Variants in DPYD observed in about 807,000 individuals in gnomAD.
The protein encoded by DPYD is dihydropyrimidine dehydrogenase.
Under a neutral mutation model 116.2 loss-of-function variants are expected in DPYD, and 109 were observed. That is an observed-to-expected ratio of 0.94 (90% CI 0.80 to 1.10). The LOEUF (loss-of-function observed/expected upper bound fraction) is 1.10, where lower values mean the gene tolerates loss of function less well. Ranked by LOEUF, DPYD falls within the 50% of genes least tolerant of loss-of-function variation. The pLI, the probability that DPYD is intolerant of heterozygous loss-of-function variation, is 0.00. For synonymous variants in DPYD, 440 were observed against 432.0 expected, an observed-to-expected ratio of 1.02 and a Z score of -0.23; for missense variants, 1,302 against 1,254.5, an observed-to-expected ratio of 1.04 and a Z score of -0.57.
At chr1:97,495,409 A>G (rs1032119825) in intron 13 of DPYD, among the ~76,000 whole-genome samples, 1 of 152,178 alleles carries the variant, frequency 6.6e-6, no homozygotes, top group African/African-American at 2.4e-5. Flanking sequence ...TTAAAAGTCA[A>G]AATGTAAATA....
intron 13 of DPYD, among the ~76,000 whole-genome samples, chr1:97,502,929 T>C (rs1450637943): frequency 1.3e-5 from 2 of 152,022 alleles, no homozygotes; most frequent in East Asian, 1.9e-4. Flanking sequence ...TAATTCAACA[T>C]GTGGAAGTTT....
intron 3 of DPYD, among the ~76,000 whole-genome samples, chr1:97,764,530 A>C (rs528871876): frequency 6.6e-6 from 1 of 152,206 alleles, no homozygotes; most frequent in African/African-American, 2.4e-5. Flanking sequence ...CTAAGCAAAA[A>C]AATAAACTTT....
At chr1:97,862,339 A>G (rs2101595438) in intron 2 of DPYD, among the ~76,000 whole-genome samples, 1 of 152,094 alleles carries the variant, frequency 6.6e-6, no homozygotes, top group East Asian at 1.9e-4. Flanking sequence ...AATTATATTT[A>G]AATTCAAACA....
intron 8 of DPYD, among the ~76,000 whole-genome samples, chr1:97,641,216 C>T (rs561125962): frequency 7.9e-5 from 12 of 152,042 alleles, no homozygotes; most frequent in Non-Finnish European, 1.8e-4. Flanking sequence ...TCTGACAAAT[C>T]CACCCAGATA....
chr1:97,259,828 C>T (rs1663760438), intron 18 of DPYD, among the ~76,000 whole-genome samples: 1 of 152,064 alleles, frequency 6.6e-6, no homozygotes, highest in Non-Finnish European at 1.5e-5. Context: ...ACTAGCCAGA[C>T]TGAAATTGGA....
chr1:97,471,935 T>C lies in DPYD; in HGVS notation c.1741-21712A>G, dbSNP rs891984966. On this transcript the variant is annotated intron_variant, in intron 13 of 22. Transcript: ENST00000370192. ...ATGTTTGAAGTAGTGCCTTCAGTTT[T>C]TGGCAAACTAGAAAACTTTAAGTGG... Among the ~76,000 whole-genome samples the C allele has an allele frequency of 8.3e-4, 126 of 152,308 alleles. 3 individuals carry two copies. Among genetic ancestry groups the C allele is most frequent in the Admixed American group, 1.5e-3 (23 of 15,300 alleles).
intron 19 of DPYD, among the ~76,000 whole-genome samples, chr1:97,206,813 C>G (rs2101860368): frequency 6.7e-6 from 1 of 150,282 alleles, no homozygotes; most frequent in African/African-American, 2.4e-5. Flanking sequence ...ACACAAGCAT[C>G]TATATACACA....
intron 3 of DPYD, among the ~76,000 whole-genome samples, chr1:97,813,929 C>G (rs1331876579): frequency 1.3e-5 from 2 of 151,448 alleles, no homozygotes; most frequent in Non-Finnish European, 2.9e-5. Context: ...CACACACACA[C>G]ACACACACAC....
At chr1:97,525,874 G>A (rs1229982251) in intron 12 of DPYD, among the ~76,000 whole-genome samples, 2 of 90,940 alleles carry the variant, frequency 2.2e-5, no homozygotes, top group Non-Finnish European at 4.6e-5. Context: ...GAGTGTGCGT[G>A]TGTGTGTGTG....
intron 5 of DPYD, among the ~76,000 whole-genome samples, chr1:97,717,819 CAT>C (rs1491436675): frequency 6.0e-5 from 9 of 151,114 alleles, no homozygotes; most frequent in African/African-American, 1.9e-4. Context: ...TGTGTGTGTG[CAT>C]GTGTGTGTGT....
At chr1:97,327,408 C>T (rs1668763756) in intron 16 of DPYD, among the ~76,000 whole-genome samples, 1 of 151,906 alleles carries the variant, frequency 6.6e-6, no homozygotes, top group Non-Finnish European at 1.5e-5. Context: ...AATATTCCTA[C>T]ATTATATTTT....
chr1:97,544,219 T>C (rs1335370548), intron 12 of DPYD, among the ~76,000 whole-genome samples: 5 of 152,182 alleles, frequency 3.3e-5, no homozygotes, highest in African/African-American at 9.6e-5. Flanking sequence ...ACTAAGTTAA[T>C]GACAATGTGG....
intron 2 of DPYD, among the ~76,000 whole-genome samples, chr1:97,868,927 T>C (rs1250004165): frequency 1.3e-5 from 2 of 151,846 alleles, no homozygotes; most frequent in East Asian, 3.9e-4. Flanking sequence ...AAAGAGTCTA[T>C]CCAAGAGTAT....
At chr1:97,422,113 A>T (rs1300977137) in intron 14 of DPYD, among the ~76,000 whole-genome samples, 1 of 152,182 alleles carries the variant, frequency 6.6e-6, no homozygotes, top group African/African-American at 2.4e-5. Context: ...AACTTTTTTA[A>T]AAAAGCAAAG....
chr1:97,446,222 TA>T (rs896707543), intron 14 of DPYD, among the ~76,000 whole-genome samples: 10 of 151,894 alleles, frequency 6.6e-5, no homozygotes, highest in Admixed American at 2.6e-4. Flanking sequence ...AGTGCCTTAA[TA>T]AAAAAAATAC....
At chr1:97,589,191 T>C (rs1654344468) in intron 10 of DPYD, among the ~76,000 whole-genome samples, 1 of 152,234 alleles carries the variant, frequency 6.6e-6, no homozygotes, top group African/African-American at 2.4e-5. Flanking sequence ...CCTACTTTTG[T>C]GGATTAAAAC....
chr1:97,359,277 C>T (rs1012970346), intron 16 of DPYD, among the ~76,000 whole-genome samples: 17 of 152,128 alleles, frequency 1.1e-4, no homozygotes, highest in Middle Eastern at 3.4e-3. Context: ...TGAAAATAAA[C>T]GAACAAAGCC....
rs560887420 is a variant in DPYD at position 97,553,386 on chromosome 1, T to C, written c.1340-3642A>G. ...ATAATTTCTCAGAAAGGAATTCATT[T>C]ATTTAGTTGCTCCTTATGAGGAAGA... On this transcript the variant is annotated intron_variant, in intron 11 of 22. Transcript: ENST00000370192. 1.1e-3 allele frequency among the ~76,000 whole-genome samples: 173 copies of C among 152,138 alleles called. 1 individual carries two copies. Among genetic ancestry groups the C allele is most frequent in the Non-Finnish European group, 2.2e-3 (149 of 67,920 alleles).
intron 19 of DPYD, among the ~76,000 whole-genome samples, chr1:97,208,914 C>A (rs945659107): frequency 6.6e-6 from 1 of 152,198 alleles, no homozygotes; most frequent in South Asian, 2.1e-4. Context: ...AATAATTATT[C>A]AAGTTCTGAA....
Sources: allele counts gnomAD v4.1 joint callset (sites outside exome capture counted in the v4.1 genomes callset), GRCh38; gene constraint gnomAD v4.1.1; transcripts MANE v1.5; gene names NCBI Gene and HGNC (gene_info 2026-07-23, HGNC 2026-07-21).